The following ARHGEF4 variants were observed in gnomAD, a reference collection of about 807,000 sequenced individuals.
The protein encoded by ARHGEF4 is Rho guanine nucleotide exchange factor 4.
Under a neutral mutation model 162.0 loss-of-function variants are expected in ARHGEF4, and 119 were observed. The ratio of observed to expected loss-of-function variants is 0.73; its 90% CI spans 0.63 to 0.86. The LOEUF (loss-of-function observed/expected upper bound fraction) is 0.86, where lower values mean the gene tolerates loss of function less well. Among genes scored for constraint, ARHGEF4 ranks in the 40% least tolerant of loss-of-function variants. ARHGEF4 has a pLI of 0.00. For missense variants in ARHGEF4, 2,488 were observed against 2,456.0 expected (o/e 1.01, Z -0.28); for synonymous variants, 1,014 against 979.9 (o/e 1.03, Z -0.65).
intron 1 of ARHGEF4, chr2:130,837,568 C>T (rs1680281632): frequency 2.2e-6 from 1 of 444,760 alleles, no homozygotes. Context: ...TTTCCGGGCC[C>T]GCTCACCATC....
intron 4 of ARHGEF4, among the ~76,000 whole-genome samples, chr2:130,981,483 A>AC (rs1478673579): frequency 6.6e-6 from 1 of 151,954 alleles, no homozygotes; most frequent in Admixed American, 6.6e-5. Context: ...ATATGGTGAA[A>AC]CCCCGTTTCT....
intron 1 of ARHGEF4, among the ~76,000 whole-genome samples, chr2:130,903,320 G>A (rs1021599895): frequency 6.7e-6 from 1 of 150,164 alleles, no homozygotes; most frequent in Non-Finnish European, 1.5e-5. Context: ...GTGCAGTGGC[G>A]TGATCTCGGC....
chr2:130,954,370 A>G (rs1414239282), intron 4 of ARHGEF4, among the ~76,000 whole-genome samples: 1 of 152,220 alleles, frequency 6.6e-6, no homozygotes, highest in East Asian at 1.9e-4. Flanking sequence ...ACTTGGACAC[A>G]GGGCGGGGAA....
chr2:130,845,231 A>G (rs1210793401), intron 1 of ARHGEF4, among the ~76,000 whole-genome samples: 1 of 149,284 alleles, frequency 6.7e-6, no homozygotes, highest in African/African-American at 2.5e-5. Flanking sequence ...GTAGAAAGTG[A>G]GTTTTTGGCC....
intron 1 of ARHGEF4, among the ~76,000 whole-genome samples, chr2:130,888,212 C>T (rs368202207): frequency 2.6e-5 from 4 of 151,284 alleles, no homozygotes; most frequent in Admixed American, 6.6e-5. Context: ...CAGTGGCTCA[C>T]GCCTGTAATC....
intron 4 of ARHGEF4, among the ~76,000 whole-genome samples, chr2:130,978,317 C>T (rs1685887806): frequency 6.6e-6 from 1 of 152,158 alleles, no homozygotes; most frequent in South Asian, 2.1e-4. Flanking sequence ...ACCCAGGAAT[C>T]GAAGGTTAAT....
chr2:131,044,406 C>T lies in ARHGEF4; in HGVS notation c.5265C>T (p.Ile1755=), dbSNP rs1301651100. The change falls in exon 12 of 14, where the codon ATC becomes ATT. Residue 1755 remains isoleucine (I), a synonymous_variant. Transcript: ENST00000409359. ...AGGACAGAGACCTCCATGTGAGCAT[C>T]AAGAACGCCTTCCGGCTGCACCGTG... is the stretch of plus-strand genomic sequence containing the variant. ...DGKDRDLHVS[I]KNAFRLHRGA... is the part of the protein sequence containing the mutation. The T allele has an allele frequency of 1.3e-6, 2 of 1,580,456 alleles. No homozygotes were observed. Among genetic ancestry groups the T allele is most frequent in the Non-Finnish European group, 1.7e-6 (2 of 1,163,168 alleles).
At chr2:130,918,093 A>G (rs62178868) in intron 2 of ARHGEF4, among the ~76,000 whole-genome samples, 13,193 of 152,078 alleles carry the variant, frequency 0.087, 979 homozygotes, top group African/African-American at 0.2. Context: ...CCCATTTTCT[A>G]TTGAACGGTC....
intron 1 of ARHGEF4, among the ~76,000 whole-genome samples, chr2:130,864,615 T>C (rs1682136423): frequency 6.6e-6 from 1 of 152,102 alleles, no homozygotes; most frequent in African/African-American, 2.4e-5. Flanking sequence ...TCTCAGCTAC[T>C]CAGGAAACTG....
intron 5 of ARHGEF4, among the ~76,000 whole-genome samples, chr2:131,032,761 TCCCCTCCCTGGTGGG>T (rs1689935546): frequency 6.6e-6 from 1 of 150,978 alleles, no homozygotes; most frequent in African/African-American, 2.4e-5. Context: ...GTTGGGCCAC[TCCCCTCCCTGGTGGG>T]AGCTGTCTGT....
intron 4 of ARHGEF4, among the ~76,000 whole-genome samples, chr2:130,976,218 A>C (rs572551999): frequency 3.9e-5 from 6 of 152,260 alleles, no homozygotes; most frequent in African/African-American, 1.4e-4. Flanking sequence ...TTGAGGGATA[A>C]GAGGGAAAAG....
At chr2:131,023,299 G>T (rs953987990) in intron 4 of ARHGEF4, among the ~76,000 whole-genome samples, 6 of 151,844 alleles carry the variant, frequency 4.0e-5, no homozygotes, top group Non-Finnish European at 7.4e-5. Context: ...CAAGTGTGGT[G>T]GTGTGAGCCT....
chr2:130,949,336 TTTA>T (rs1284103511), intron 4 of ARHGEF4, among the ~76,000 whole-genome samples: 1 of 152,116 alleles, frequency 6.6e-6, no homozygotes, highest in Non-Finnish European at 1.5e-5. Flanking sequence ...TTGTTTGTTT[TTTA>T]TTTACTTTAT....
rs1339894360 is a variant in ARHGEF4 at position 130,915,067 on chromosome 2, G to T, written c.1121G>T (p.Arg374Ile). ...GGGGCCAAAAATGAACGAGATCCAA[G>T]AATACAAAACATCCCTTCCCCTGCA... is the stretch of plus-strand genomic sequence containing the variant. ...KEGAKNERDP[R>I]IQNIPSPAPT... The change falls in exon 2 of 14, where the codon AGA (arginine) becomes ATA (isoleucine). Residue 374 changes from arginine to isoleucine, a missense_variant. This residue lies in a region of ARHGEF4 where 1,642 missense variants were observed against 1,481.5 expected (regional missense o/e 1.11). Coordinates refer to ENST00000409359, the MANE Select transcript of ARHGEF4 (RefSeq NM_001367493.1). 6.4e-7 allele frequency: 1 copy of T among 1,550,634 alleles called. No homozygotes were observed. The highest frequency in any genetic ancestry group is 8.7e-7 in the Non-Finnish European group (1 of 1,147,036).
At position 130,956,533 on chromosome 2, in the gene ARHGEF4, C is replaced by T. The variant is rs1413170546; in HGVS notation, c.3985+9898C>T. On this transcript the variant is annotated intron_variant, in intron 4 of 13. Transcript: ENST00000409359. ...GACACATGCACACGTATGTTTATTG[C>T]GGCACTATTCACAATAGCAAAGACT... Among the ~76,000 whole-genome samples, 45 of 149,910 alleles carry T rather than the reference C, an allele frequency of 3.0e-4. 1 individual carries two copies. The highest frequency in any genetic ancestry group is 6.3e-4 in the South Asian group (3 of 4,744).
intron 3 of ARHGEF4, among the ~76,000 whole-genome samples, chr2:130,942,001 G>A (rs1683331142): frequency 6.6e-6 from 1 of 152,100 alleles, no homozygotes; most frequent in African/African-American, 2.4e-5. Context: ...GATTTTGAGA[G>A]GATTCCAAGC....
intron 1 of ARHGEF4, among the ~76,000 whole-genome samples, chr2:130,909,668 G>C (rs1312588134): frequency 6.6e-6 from 1 of 150,972 alleles, no homozygotes; most frequent in Non-Finnish European, 1.5e-5. Context: ...AAAAAAAAAA[G>C]TAAATAGCAG....
In ARHGEF4 at chr2:130,841,203, T is replaced by C. The variant is rs1001764320; in HGVS notation, c.39+4211T>C. 3.3e-3 allele frequency among the ~76,000 whole-genome samples: 509 copies of C among 152,104 alleles called. 4 individuals carry two copies. The highest frequency in any genetic ancestry group is 0.012 in the African/African-American group (488 of 41,492). On this transcript the variant is annotated intron_variant, in intron 1 of 13. Transcript: ENST00000409359. ...CCTCAGCCTCCCAACTAGGTGGGAT[T>C]ACAGGCACGCACCACCATGCCTGAC...
rs985496345 is a variant in ARHGEF4 at position 131,029,150 on chromosome 2, C to T, written c.4125+1066C>T. Among the ~76,000 whole-genome samples the T allele has an allele frequency of 4.6e-5, 7 of 152,244 alleles. No individual in the cohort carries two copies. In the South Asian group the frequency reaches 1.5e-3, roughly 32 times the overall value. On this transcript the variant is annotated intron_variant, in intron 5 of 13. Coordinates refer to ENST00000409359, the MANE Select transcript of ARHGEF4 (RefSeq NM_001367493.1). ...CTGAGACGGGTGTATCACCTGAGAT[C>T]AGGAGTTCAAGACCAGCCTGGCCAA...
Sources: allele counts gnomAD v4.1 joint callset (sites outside exome capture counted in the v4.1 genomes callset), GRCh38; gene constraint gnomAD v4.1.1; regional missense constraint gnomAD v4.1.1; transcripts MANE v1.5; gene names NCBI Gene and HGNC (gene_info 2026-07-23, HGNC 2026-07-21).